The following SCAF4 variants were observed in gnomAD, a reference collection of about 807,000 sequenced individuals.
SCAF4 encodes SR-related and CTD-associated factor 4.
Under a neutral mutation model 129.8 loss-of-function variants are expected in SCAF4, and 25 were observed. That is an observed-to-expected ratio of 0.19 (90% confidence interval 0.14 to 0.27). The LOEUF (loss-of-function observed/expected upper bound fraction) is 0.27, where lower values mean the gene tolerates loss of function less well. Ranked by LOEUF, SCAF4 falls within the 10% of genes least tolerant of loss-of-function variation. The probability of loss-of-function intolerance (pLI) is 1.00; values close to 1 mark genes in which losing one functional copy is unlikely to be tolerated. For synonymous variants in SCAF4, 551 were observed against 497.7 expected, an observed-to-expected ratio of 1.11 and a Z score of -1.43; for missense variants, 1,246 against 1,457.1, an observed-to-expected ratio of 0.86 and a Z score of 2.36.
rs776545509 is a variant in SCAF4, at chr21:31,688,414, C to T, written c.1936G>A (p.Gly646Ser). ...GGTTCTGTGTGTGAGGTTTCAGCAC[C>T]TCCATTTTGAGCAACTTCATTTTCA... Reference protein sequence around the residue: ...KPENEVAQNGGAETSHTEPVS... With the variant: ...KPENEVAQNGSAETSHTEPVS... The change falls in exon 16 of 20, where the codon GGT (glycine) becomes AGT (serine). Residue 646 changes from glycine to serine, a missense_variant. Around this residue, in one of 6 missense-constraint regions of SCAF4, gnomAD observed 468 missense variants for 605.5 expected, o/e 0.77. Coordinates refer to ENST00000286835, the MANE Select transcript of SCAF4 (RefSeq NM_020706.2). 2 of 1,613,954 alleles carry T rather than the reference C, an allele frequency of 1.2e-6. No homozygotes were observed. The highest frequency in any genetic ancestry group is 1.7e-6 in the Non-Finnish European group (2 of 1,179,972).
intron 19 of SCAF4, among the ~76,000 whole-genome samples, chr21:31,676,393 A>G (rs563383998): frequency 2.4e-4 from 37 of 152,214 alleles, no homozygotes; most frequent in Non-Finnish European, 4.6e-4. Flanking sequence ...AAGGCCCTTC[A>G]TGTTTTTATC....
In SCAF4 at chr21:31,688,350, G is replaced by A. The variant is rs2050179596; in HGVS notation, c.2000C>T (p.Pro667Leu). The A allele has an allele frequency of 6.2e-7, 1 of 1,613,108 alleles. No homozygotes were observed. The highest frequency in any genetic ancestry group is 1.3e-5 in the African/African-American group (1 of 74,806). Reference sequence around the variant, plus strand: ...TATAGGTGCAGGAACAGGAATAGGAGGGACAGGCACAGGTAATGGTTTAGG... The same window carrying A: ...TATAGGTGCAGGAACAGGAATAGGAAGGACAGGCACAGGTAATGGTTTAGG... ...PIPKPLPVPV[P>L]PIPVPAPITV... The change falls in exon 16 of 20, where the codon CCT (proline) becomes CTT (leucine). Residue 667 changes from proline to leucine, a missense_variant. By Grantham distance (98) the Pro-to-Leu change is moderately conservative. Transcript: ENST00000286835.
chr21:31,706,134 C>A, intron 2 of SCAF4, 140 bp downstream of exon 2: 1 of 655,524 alleles, frequency 1.5e-6, no homozygotes, highest in South Asian at 1.9e-5. Flanking sequence ...GCACGCTTAT[C>A]ATGTACCTTC....
At chr21:31,721,153 T>C (rs2051057704) in intron 1 of SCAF4, among the ~76,000 whole-genome samples, 1 of 152,210 alleles carries the variant, frequency 6.6e-6, no homozygotes, top group Non-Finnish European at 1.5e-5. Flanking sequence ...ATTCCTCCTT[T>C]TGCTGTCTGC....
intron 16 of SCAF4, among the ~76,000 whole-genome samples, chr21:31,686,203 CAAAAAAAAAAAAAGA>C (rs1160076399): frequency 1.1e-4 from 8 of 75,902 alleles, no homozygotes; most frequent in South Asian, 8.1e-4. Flanking sequence ...ACTTGGTCTT[CAAAAAAAAAAAAAGA>C]AAAAAAAAAA....
At chr21:31,706,723 C>G (rs188163409) in intron 1 of SCAF4, 10 of 223,092 alleles carry the variant, frequency 4.5e-5, no homozygotes, top group Non-Finnish European at 9.0e-5. Flanking sequence ...GATGTGCAAA[C>G]AAAAGGGAAA....
intron 1 of SCAF4, among the ~76,000 whole-genome samples, chr21:31,725,143 T>C (rs1222184002): frequency 3.3e-5 from 5 of 152,208 alleles, no homozygotes; most frequent in Non-Finnish European, 1.5e-5. Flanking sequence ...CCAATTTTAC[T>C]GCCAATAATC....
In SCAF4 at chr21:31,688,375, G is replaced by C. The variant is rs199712831; in HGVS notation, c.1975C>G (p.Pro659Ala). The C allele has an allele frequency of 6.2e-7, 1 of 1,613,728 alleles. No homozygotes were observed. Among genetic ancestry groups the C allele is most frequent in the South Asian group, 1.1e-5 (1 of 91,064 alleles). Residue 659 changes from proline to alanine, a missense_variant, in exon 16 of 20, where the codon CCT (proline) becomes GCT (alanine). Physicochemically the swap from Pro to Ala is conservative, Grantham distance 27 (BLOSUM62 -1). Around this residue, in one of 6 missense-constraint regions of SCAF4, gnomAD observed 468 missense variants for 605.5 expected, o/e 0.77. Transcript: ENST00000286835. The stretch of plus-strand genomic sequence containing the variant: ...GGGACAGGCACAGGTAATGGTTTAG[G>C]TATGGGTGATACTGGTTCTGTGTGT... ...TSHTEPVSPI[P>A]KPLPVPVPPI...
In SCAF4 at chr21:31,671,488, G is replaced by C. The variant is rs2123447003; in HGVS notation, c.3355C>G (p.Leu1119Val). Reference sequence around the variant, plus strand: ...GCAGGTAACTCTTCAGAAGGCTTTAGGACTGCAGCCTCAGACACCCCCTTC... The same window carrying C: ...GCAGGTAACTCTTCAGAAGGCTTTACGACTGCAGCCTCAGACACCCCCTTC... ...LEKGVSEAAV[L>V]KPSEELPAEA... Residue 1119 changes from leucine to valine, a missense_variant, in exon 20 of 20, where the codon CTA (leucine) becomes GTA (valine). By Grantham distance (32) the Leu-to-Val change is conservative. Coordinates refer to ENST00000286835, the MANE Select transcript of SCAF4 (RefSeq NM_020706.2). The C allele has an allele frequency of 6.2e-7, 1 of 1,614,132 alleles. No individual in the cohort carries two copies. The highest frequency in any genetic ancestry group is 1.3e-5 in the African/African-American group (1 of 75,018).
Position 31,671,455 on chromosome 21 carries a change from T to C in SCAF4, c.3388A>G (p.Thr1130Ala), listed in dbSNP as rs752015145. The change falls in exon 20 of 20, where the codon ACC (threonine) becomes GCC (alanine). Residue 1130 changes from threonine to alanine, a missense_variant. Physicochemically the swap from Thr to Ala is moderately conservative, Grantham distance 58 (BLOSUM62 0). This residue lies in a region of SCAF4 where 339 missense variants were observed against 325.0 expected (regional missense o/e 1.04). Transcript: ENST00000286835. ...TCCTTTTCGGGTTCAACGGATGAGG[T>C]AGCCTCAGCAGGTAACTCTTCAGAA... ...KPSEELPAEA[T>A]SSVEPEKDSG... is the part of the protein sequence containing the mutation. 3 of 1,614,010 alleles carry C rather than the reference T, an allele frequency of 1.9e-6. No individual in the cohort carries two copies. The highest frequency in any genetic ancestry group is 1.7e-5 in the Admixed American group (1 of 60,024).
rs771870355 is a variant in SCAF4 at position 31,685,741 on chromosome 21, G to A, written c.2044-8C>T. The A allele has an allele frequency of 1.3e-6, 2 of 1,564,972 alleles. No homozygotes were observed. Among genetic ancestry groups the A allele is most frequent in the Non-Finnish European group, 8.6e-7 (1 of 1,160,340 alleles). On this transcript the variant is annotated splice_polypyrimidine_tract_variant and splice_region_variant and intron_variant, in intron 16 of 19. Transcript: ENST00000286835. The stretch of plus-strand genomic sequence containing the variant: ...CGGTTGATGTGGTGGGACCTAGAAA[G>A]AAAGATAAAAGAATAAACCACCTAT...
At chr21:31,683,975 G>A (rs1476464010) in intron 19 of SCAF4, 2 of 153,412 alleles carry the variant, frequency 1.3e-5, no homozygotes, top group Admixed American at 1.3e-4. Context: ...GTCTAGGGGA[G>A]GGCAGAATAC....
rs746940894 is a variant in SCAF4, at chr21:31,705,475, GAATT to G, written c.115-12_115-9del. On this transcript the variant is annotated splice_polypyrimidine_tract_variant and intron_variant, in intron 2 of 19. Coordinates refer to ENST00000286835, the MANE Select transcript of SCAF4 (RefSeq NM_020706.2). The stretch of plus-strand genomic sequence containing the variant: ...AACTACATGCTTATAAAGCTGAAAA[GAATT>G]AAGAGAAAATTACTGTTCAGTTTAC... 4 of 1,250,544 alleles carry G rather than the reference GAATT, an allele frequency of 3.2e-6. No individual in the cohort carries two copies. The highest frequency in any genetic ancestry group is 2.8e-5 in the South Asian group (2 of 70,486). The allele number at this position is 1,250,544 out of a possible 1,614,324, so 77.5% of individuals were successfully genotyped here.
intron 1 of SCAF4, among the ~76,000 whole-genome samples, chr21:31,730,383 C>T (rs2051318821): frequency 6.6e-6 from 1 of 152,128 alleles, no homozygotes; most frequent in Non-Finnish European, 1.5e-5. Flanking sequence ...GCAGTTAGGG[C>T]ATTTTATGTA....
chr21:31,696,629 G>C lies in SCAF4; in HGVS notation c.899C>G (p.Ala300Gly). ...GGGTGCAGCAGCAGCAGGCACGGTGGCGGTGGGTGCAGGGGGTACTGCGGC... is the reference window on the plus strand; with the variant it reads ...GGGTGCAGCAGCAGCAGGCACGGTGCCGGTGGGTGCAGGGGGTACTGCGGC... ...PAAAVPPAPT[A>G]TVPAAAAPAA... The change falls in exon 8 of 20, where the codon GCC becomes GGC. Residue 300 changes from alanine (A) to glycine (G), a missense_variant. By Grantham distance (60) the Ala-to-Gly change is moderately conservative. Transcript: ENST00000286835. 6.2e-7 allele frequency: 1 copy of C among 1,613,632 alleles called. No individual in the cohort carries two copies. The highest frequency in any genetic ancestry group is 8.5e-7 in the Non-Finnish European group (1 of 1,179,636).
intron 16 of SCAF4, among the ~76,000 whole-genome samples, chr21:31,686,640 C>T (rs542987483): frequency 1.3e-5 from 2 of 152,120 alleles, no homozygotes; most frequent in East Asian, 3.9e-4. Flanking sequence ...CAGCCACGGA[C>T]CATTACCAGT....
Position 31,691,864 on chromosome 21 carries a change from G to T in SCAF4, c.1681C>A (p.Gln561Lys), listed in dbSNP as rs1322592261. ...VHRQDAYRAL[Q>K]KLSRGNYKVN... Reference sequence around the variant, plus strand: ...TTATAGTTTCCTCGGCTCAGTTTCTGCAGGGCACGATAGGCATCTTGCCTA... The same window carrying T: ...TTATAGTTTCCTCGGCTCAGTTTCTTCAGGGCACGATAGGCATCTTGCCTA... The change falls in exon 14 of 20, where the codon CAG (glutamine) becomes AAG (lysine). Residue 561 changes from glutamine to lysine, a missense_variant. Physicochemically the swap from Gln to Lys is moderately conservative, Grantham distance 53. Transcript: ENST00000286835. 2 of 1,609,348 alleles carry T rather than the reference G, an allele frequency of 1.2e-6. No individual in the cohort carries two copies. The highest frequency in any genetic ancestry group is 2.2e-5 in the South Asian group (2 of 90,472).
chr21:31,705,924 G>C (rs181866570), intron 2 of SCAF4, among the ~76,000 whole-genome samples: 5 of 152,288 alleles, frequency 3.3e-5, no homozygotes, highest in Admixed American at 3.3e-4. Context: ...CTGCTTTGAG[G>C]CTGGGCGTGG....
At position 31,671,746 on chromosome 21, in the gene SCAF4, ACT is replaced by A; in HGVS notation, c.3095_3096del (p.Glu1032ValfsTer7). 6.2e-7 allele frequency: 1 copy of A among 1,611,596 alleles called. No individual in the cohort carries two copies. Among genetic ancestry groups the A allele is most frequent in the Non-Finnish European group, 8.5e-7 (1 of 1,179,396 alleles). On this transcript the variant is annotated frameshift_variant, in exon 20 of 20. Coordinates refer to ENST00000286835, the MANE Select transcript of SCAF4 (RefSeq NM_020706.2). LOFTEE classifies it high-confidence loss of function. Reference sequence around the variant, plus strand: ...TCCCGGTCAGGGCTCCTCCTTCCCCACTCTCTCCTGTCACGGTTACTATTATC... The same window carrying A: ...TCCCGGTCAGGGCTCCTCCTTCCCCACTCTCCTGTCACGGTTACTATTATC... ...DRDNSNRDRREWGRRSPDRDR... is the reference protein window; with the variant it reads ...DRDNSNRDRRXWGRRSPDRDR...
Sources: gnomAD v4.1 joint callset for allele counts (sites outside exome capture counted in the v4.1 genomes callset) on GRCh38, gnomAD v4.1.1 for gene constraint, gnomAD v4.1.1 regional missense constraint, MANE v1.5 for transcripts, NCBI Gene and HGNC (gene_info 2026-07-23, HGNC 2026-07-21) for gene names.